The following DMXL2 variants were observed in gnomAD, a reference collection of about 807,000 sequenced individuals.
The protein encoded by DMXL2 is Dmx like 2.
A neutral mutation model predicts 331.1 loss-of-function variants in DMXL2; 103 were observed. That is an observed-to-expected ratio of 0.31 (90% CI 0.27 to 0.37). The LOEUF (loss-of-function observed/expected upper bound fraction) is 0.37. Among genes scored for constraint, DMXL2 ranks in the 10% least tolerant of loss-of-function variants. DMXL2 has a pLI of 1.00. For missense variants in DMXL2, 3,171 were observed against 3,642.9 expected (o/e 0.87, Z 3.33); for synonymous variants, 1,281 against 1,252.1 (o/e 1.02, Z -0.49).
intron 9 of DMXL2, among the ~76,000 whole-genome samples, chr15:51,539,968 A>G (rs1056487978): frequency 1.3e-5 from 2 of 152,204 alleles, no homozygotes; most frequent in African/African-American, 4.8e-5. Flanking sequence ...AAATGCTCTA[A>G]TTTGTTCTTT....
rs995759463 is a variant in DMXL2, at chr15:51,530,542, G to A, written c.2436+5121C>T. On this transcript the variant is annotated intron_variant, in intron 13 of 43. Coordinates refer to ENST00000560891, the MANE Select transcript of DMXL2 (RefSeq NM_001378457.1). Reference sequence around the variant, plus strand: ...TGAGGCGAGCAGATCACGAGGTCAGGAGATCGAGACCATCCTGGCTAACAC... The same window carrying A: ...TGAGGCGAGCAGATCACGAGGTCAGAAGATCGAGACCATCCTGGCTAACAC... Among the ~76,000 whole-genome samples, 9 of 151,364 alleles carry A rather than the reference G, an allele frequency of 5.9e-5. No individual in the cohort carries two copies. The East Asian group carries it at 1.4e-3, about 23-fold the overall frequency.
chr15:51,458,899 G>A, intron 34 of DMXL2, 104 bp from the exon 35 acceptor site: 1 of 93,130 alleles, frequency 1.1e-5, no homozygotes, highest in East Asian at 8.0e-5. Context: ...AAATGTAGCA[G>A]CAGCAGCAGC....
At chr15:51,478,807 T>C (rs1411878806) in intron 25 of DMXL2, among the ~76,000 whole-genome samples, 3 of 152,176 alleles carry the variant, frequency 2.0e-5, no homozygotes, top group Non-Finnish European at 2.9e-5. Context: ...TTAGTAAATG[T>C]GTCAATCACT....
In DMXL2 at chr15:51,471,218, C is replaced by T. The variant is rs2041079080; in HGVS notation, c.7392+5G>A. The stretch of plus-strand genomic sequence containing the variant: ...CTTAAAGCTTGCATTCCTCACACTC[C>T]TTACCTTTGCAACAAAATAATCCCA... On this transcript the variant is annotated splice_donor_5th_base_variant and intron_variant, in intron 29 of 43. Coordinates refer to ENST00000560891, the MANE Select transcript of DMXL2 (RefSeq NM_001378457.1). 1.2e-6 allele frequency: 2 copies of T among 1,612,898 alleles called. No homozygotes were observed. Among genetic ancestry groups the T allele is most frequent in the Admixed American group, 1.7e-5 (1 of 59,936 alleles).
At position 51,576,478 on chromosome 15, in the gene DMXL2, T is replaced by A. The variant is rs541143090; in HGVS notation, c.88-297A>T. On this transcript the variant is annotated intron_variant, in intron 1 of 43. Coordinates refer to ENST00000560891, the MANE Select transcript of DMXL2 (RefSeq NM_001378457.1). ...AGGTCATAAGTCATTCTGTTTAGAC[T>A]TTCTCTCCAAAGTTCATCTCAGTAA... is the stretch of plus-strand genomic sequence containing the variant. 4.6e-5 allele frequency among the ~76,000 whole-genome samples: 7 copies of A among 152,230 alleles called. No homozygotes were observed. The South Asian group carries it at 6.2e-4, about 14-fold the overall frequency.
At chr15:51,506,770 T>C (rs1163996491) in intron 16 of DMXL2, among the ~76,000 whole-genome samples, 2 of 152,156 alleles carry the variant, frequency 1.3e-5, no homozygotes, top group Non-Finnish European at 2.9e-5. Context: ...CTTATTTTAA[T>C]GATGATAAAG....
Position 51,507,135 on chromosome 15 carries a change from T to C in DMXL2, c.2763A>G (p.Leu921=), listed in dbSNP as rs771246441. ...CTGTATAAAACTATAATTACTTACC[T>C]AAACATGCTTGTACAGATTTAAGAT... The part of the protein sequence containing the change: ...HLHLKSVQAC[L]AKASEGASSE... The change falls in exon 16 of 44, where the codon TTA becomes TTG. Residue 921 remains leucine, a splice_region_variant and synonymous_variant. Coordinates refer to ENST00000560891, the MANE Select transcript of DMXL2 (RefSeq NM_001378457.1). 14 of 1,588,486 alleles carry C rather than the reference T, an allele frequency of 8.8e-6. No individual in the cohort carries two copies. Among genetic ancestry groups the C allele is most frequent in the East Asian group, 2.3e-5 (1 of 44,318 alleles).
chr15:51,535,991 T>C (rs1380523775), intron 12 of DMXL2, among the ~76,000 whole-genome samples, 175 bp downstream of exon 12: 1 of 152,214 alleles, frequency 6.6e-6, no homozygotes, highest in Non-Finnish European at 1.5e-5. Context: ...TAAAAACTTC[T>C]GGAAGTTCTA....
chr15:51,521,049 GT>G (rs1567062126), intron 13 of DMXL2, among the ~76,000 whole-genome samples: 3 of 151,916 alleles, frequency 2.0e-5, no homozygotes, highest in East Asian at 3.9e-4. Flanking sequence ...AAACATTCAC[GT>G]TTTTTATACT....
chr15:51,535,031 G>T (rs2048209479), intron 13 of DMXL2, among the ~76,000 whole-genome samples: 2 of 152,108 alleles, frequency 1.3e-5, no homozygotes, highest in Non-Finnish European at 2.9e-5. Flanking sequence ...TTAAAGGTAG[G>T]TCTGAAACTT....
rs142770613 is a variant in DMXL2 at position 51,536,568 on chromosome 15, G to C, written c.1912C>G (p.Leu638Val). Residue 638 changes from leucine to valine, a missense_variant, in exon 12 of 44, where the codon CTA (leucine) becomes GTA (valine). This residue lies in a region of DMXL2 where 1,674 missense variants were observed against 1,780.2 expected (regional missense o/e 0.94). Transcript: ENST00000560891. ...TATCTAAATTTGTGAGATACAGTTA[G>C]AACAGTGGTAAAGGCAGACTTATCA... Reference protein sequence around the residue: ...FADKSAFTTVLTVSHKFRYCG... With the variant: ...FADKSAFTTVVTVSHKFRYCG... The C allele has an allele frequency of 3.7e-6, 6 of 1,613,868 alleles. No individual in the cohort carries two copies. Among genetic ancestry groups the C allele is most frequent in the East Asian group, 2.2e-5 (1 of 44,882 alleles).
intron 3 of DMXL2, among the ~76,000 whole-genome samples, chr15:51,566,749 A>T (rs2050315302): frequency 6.6e-6 from 1 of 152,224 alleles, no homozygotes; most frequent in Admixed American, 6.5e-5. Flanking sequence ...AATATACTTT[A>T]AAAATTATTT....
At chr15:51,612,768 G>C (rs947329205) in intron 1 of DMXL2, among the ~76,000 whole-genome samples, 1 of 152,198 alleles carries the variant, frequency 6.6e-6, no homozygotes, top group Admixed American at 6.5e-5. Flanking sequence ...GGGTTTGAGA[G>C]CAGACAACCA....
rs2054668748 is a variant in DMXL2 at position 51,622,024 on chromosome 15, C to A, written c.87+435G>T. ...GCCAAGGCGCAGCATCGCCTCCACG[C>A]TCCGAGACCAACACCAAGTCTCTTC... is the stretch of plus-strand genomic sequence containing the variant. On this transcript the variant is annotated intron_variant, in intron 1 of 43. Coordinates refer to ENST00000560891, the MANE Select transcript of DMXL2 (RefSeq NM_001378457.1). Among the ~76,000 whole-genome samples, 2 of 152,078 alleles carry A rather than the reference C, an allele frequency of 1.3e-5. 1 individual carries two copies. Among genetic ancestry groups the A allele is most frequent in the South Asian group, 4.1e-4 (2 of 4,824 alleles).
At chr15:51,574,427 T>C (rs1441676616) in intron 2 of DMXL2, among the ~76,000 whole-genome samples, 1 of 118,574 alleles carries the variant, frequency 8.4e-6, no homozygotes, top group Admixed American at 8.7e-5. Context: ...TATATTCTTT[T>C]AAGGCCTGCC....
At chr15:51,610,686 T>C (rs7169786) in intron 1 of DMXL2, among the ~76,000 whole-genome samples, 72,259 of 151,098 alleles carry the variant, frequency 0.48, 17,635 homozygotes, top group Non-Finnish European at 0.52. Context: ...GAGAATGGCA[T>C]GAACCCAGGA....
intron 6 of DMXL2, among the ~76,000 whole-genome samples, chr15:51,560,868 C>A (rs1041196432): frequency 6.6e-6 from 1 of 151,686 alleles, no homozygotes; most frequent in African/African-American, 2.4e-5. Flanking sequence ...ATAAAGGACC[C>A]ATTTGTTTTA....
chr15:51,492,905 T>C (rs1195075782), intron 19 of DMXL2, among the ~76,000 whole-genome samples: 1 of 152,232 alleles, frequency 6.6e-6, no homozygotes, highest in Non-Finnish European at 1.5e-5. Context: ...ATTTTGTACA[T>C]AGTTTAAAGC....
chr15:51,561,952 T>A (rs1180568165), intron 6 of DMXL2, among the ~76,000 whole-genome samples: 1 of 152,200 alleles, frequency 6.6e-6, no homozygotes, highest in African/African-American at 2.4e-5. Context: ...AGTACCGTTA[T>A]TTTCTCAATC....
Sources: gnomAD v4.1 joint callset for allele counts (sites outside exome capture counted in the v4.1 genomes callset) on GRCh38, gnomAD v4.1.1 for gene constraint, gnomAD v4.1.1 regional missense constraint, MANE v1.5 for transcripts, NCBI Gene and HGNC (gene_info 2026-07-23, HGNC 2026-07-21) for gene names.